Variants in PTPRT observed in about 807,000 individuals in gnomAD.
PTPRT encodes protein tyrosine phosphatase receptor type T, also known as receptor-type tyrosine-protein phosphatase T.
Under a neutral mutation model 176.8 loss-of-function variants are expected in PTPRT, and 56 were observed. The observed-to-expected ratio is 0.32, with a 90% confidence interval of 0.26 to 0.40. The LOEUF (loss-of-function observed/expected upper bound fraction) is 0.40. Ranked by LOEUF, PTPRT falls within the 10% of genes least tolerant of loss-of-function variation. PTPRT has a pLI of 1.00. For synonymous variants in PTPRT, 783 were observed against 739.0 expected (o/e 1.06, Z -0.96); for missense variants, 1,540 against 1,908.2 (o/e 0.81, Z 3.60).
chr20:42,422,047 A>T (rs568490942), intron 9 of PTPRT, among the ~76,000 whole-genome samples: 1 of 152,354 alleles, frequency 6.6e-6, no homozygotes, highest in African/African-American at 2.4e-5. Flanking sequence ...ATATACAAAA[A>T]TCAACTCAAG....
intron 1 of PTPRT, among the ~76,000 whole-genome samples, chr20:43,179,517 G>A (rs2015197542): frequency 6.6e-6 from 1 of 152,188 alleles, no homozygotes; most frequent in Admixed American, 6.5e-5. Flanking sequence ...TTAGATACCA[G>A]TGTAAAAATT....
At chr20:42,368,434 G>A (rs191560810) in intron 9 of PTPRT, among the ~76,000 whole-genome samples, 37 of 152,262 alleles carry the variant, frequency 2.4e-4, no homozygotes, top group African/African-American at 7.2e-4. Flanking sequence ...CAGGGACCCC[G>A]AGATCTTGAA....
chr20:42,762,156 G>A (rs1452099619), intron 5 of PTPRT, among the ~76,000 whole-genome samples: 3 of 152,096 alleles, frequency 2.0e-5, no homozygotes, highest in Non-Finnish European at 4.4e-5. Flanking sequence ...CTATATTCTT[G>A]GCCATCAGAT....
intron 1 of PTPRT, among the ~76,000 whole-genome samples, chr20:42,977,030 G>C (rs760550650): frequency 6.6e-6 from 1 of 152,144 alleles, no homozygotes; most frequent in African/African-American, 2.4e-5. Context: ...GCCGAAGCCA[G>C]CCAGCCAGCC....
chr20:42,931,015 C>T (rs1979813691), intron 1 of PTPRT, among the ~76,000 whole-genome samples: 1 of 152,170 alleles, frequency 6.6e-6, no homozygotes, highest in Admixed American at 6.5e-5. Flanking sequence ...CCTCAACCCC[C>T]TCCCCATCTT....
chr20:42,380,922 C>T (rs1204022287), intron 9 of PTPRT, among the ~76,000 whole-genome samples: 2 of 152,122 alleles, frequency 1.3e-5, no homozygotes, highest in African/African-American at 2.4e-5. Flanking sequence ...GCCATCTGCT[C>T]GGCTTCTGGG....
chr20:42,728,830 T>C (rs1008869383), intron 6 of PTPRT, among the ~76,000 whole-genome samples: 1 of 152,082 alleles, frequency 6.6e-6, no homozygotes, highest in African/African-American at 2.4e-5. Flanking sequence ...ACCTTTGAAG[T>C]TAGGGGAAAT....
rs1235029041 is a variant in PTPRT at position 42,078,990 on chromosome 20, T to A, written c.*1889A>T. On this transcript the variant is annotated 3_prime_UTR_variant, in exon 31 of 31. Coordinates refer to ENST00000373187, the MANE Select transcript of PTPRT (RefSeq NM_007050.6). ...AGGGCCAAAGCTGTACCTTCTTGAA[T>A]TCTCTGCCCCTCATGCCCTGTCTGG... 1.7e-5 allele frequency: 3 copies of A among 178,148 alleles called. No individual in the cohort carries two copies. The highest frequency in any genetic ancestry group is 7.1e-5 in the African/African-American group (3 of 42,266). The allele number at this position is 178,148 out of a possible 1,614,324, so 11.0% of individuals were successfully genotyped here.
At chr20:43,123,233 T>G (rs901606865) in intron 1 of PTPRT, among the ~76,000 whole-genome samples, 2 of 152,186 alleles carry the variant, frequency 1.3e-5, no homozygotes, top group African/African-American at 4.8e-5. Flanking sequence ...AAGAGGTGGA[T>G]AAATCAACAC....
chr20:42,123,691 A>G (rs1987704422), intron 19 of PTPRT, among the ~76,000 whole-genome samples: 1 of 152,158 alleles, frequency 6.6e-6, no homozygotes, highest in Admixed American at 6.5e-5. Flanking sequence ...GTCCATCCAG[A>G]GGCCTTAGCA....
At chr20:42,300,753 T>C in intron 12 of PTPRT, among the ~76,000 whole-genome samples, 1 of 148,104 alleles carries the variant, frequency 6.8e-6, no homozygotes, top group African/African-American at 2.5e-5. Context: ...CATCTTTTTA[T>C]TTGTATTATT....
chr20:42,352,566 T>C (rs1046497710), intron 9 of PTPRT, among the ~76,000 whole-genome samples: 1 of 152,122 alleles, frequency 6.6e-6, no homozygotes, highest in Non-Finnish European at 1.5e-5. Flanking sequence ...GAAGGATGGT[T>C]ATCAGAGGCT....
intron 7 of PTPRT, among the ~76,000 whole-genome samples, chr20:42,480,339 G>A (rs915106227): frequency 7.2e-5 from 11 of 152,192 alleles, no homozygotes; most frequent in African/African-American, 2.7e-4. Context: ...AGTGGGAGGT[G>A]AGACAGAACA....
At chr20:42,880,793 C>CTAG (rs1250449741) in intron 2 of PTPRT, among the ~76,000 whole-genome samples, 1 of 152,198 alleles carries the variant, frequency 6.6e-6, no homozygotes, top group African/African-American at 2.4e-5. Flanking sequence ...GCCTGGAATG[C>CTAG]TAGTGCAAGA....
intron 1 of PTPRT, among the ~76,000 whole-genome samples, chr20:43,015,468 C>T (rs944079303): frequency 1.3e-5 from 2 of 152,168 alleles, no homozygotes; most frequent in Non-Finnish European, 1.5e-5. Flanking sequence ...ATAGCCAACA[C>T]CCAATTTCCT....
chr20:43,100,942 CA>C (rs2012372231), intron 1 of PTPRT, among the ~76,000 whole-genome samples: 1 of 152,130 alleles, frequency 6.6e-6, no homozygotes, highest in Non-Finnish European at 1.5e-5. Flanking sequence ...TTAAAAAATA[CA>C]ATACTAAAAT....
intron 7 of PTPRT, among the ~76,000 whole-genome samples, chr20:42,520,073 T>C (rs972304103): frequency 1.3e-5 from 2 of 152,132 alleles, no homozygotes; most frequent in African/African-American, 4.8e-5. Flanking sequence ...AACTCTCTTT[T>C]TGTTAGTTTT....
chr20:42,217,057 C>A (rs1008095969), intron 15 of PTPRT, among the ~76,000 whole-genome samples: 1 of 152,136 alleles, frequency 6.6e-6, no homozygotes, highest in African/African-American at 2.4e-5. Context: ...TATCTTCCAA[C>A]TTTTCTTCAT....
chr20:42,205,678 G>A (rs1182224202), intron 15 of PTPRT, among the ~76,000 whole-genome samples: 1 of 152,034 alleles, frequency 6.6e-6, no homozygotes, highest in African/African-American at 2.4e-5. Flanking sequence ...CACTCTCCTG[G>A]GGAGACACTG....
Sources: gnomAD v4.1 joint callset for allele counts (sites outside exome capture counted in the v4.1 genomes callset) on GRCh38, gnomAD v4.1.1 for gene constraint, MANE v1.5 for transcripts, NCBI Gene and HGNC (gene_info 2026-07-23, HGNC 2026-07-21) for gene names.